Variants in LRRC69 observed in about 807,000 individuals in gnomAD.
LRRC69 encodes the protein leucine-rich repeat-containing protein 69.
Under a neutral mutation model 37.8 loss-of-function variants are expected in LRRC69, and 42 were observed. The observed-to-expected ratio is 1.11, with a 90% CI of 0.87 to 1.44. The LOEUF (loss-of-function observed/expected upper bound fraction) is 1.44. LRRC69 is among the 40% of genes most tolerant of loss of function. The pLI, the probability that LRRC69 is intolerant of heterozygous loss-of-function variation, is 0.00. For synonymous variants in LRRC69, 141 were observed against 143.1 expected (o/e 0.99, Z 0.11); for missense variants, 357 against 401.9 (o/e 0.89, Z 0.96).
intron 1 of LRRC69, among the ~76,000 whole-genome samples, chr8:91,115,345 CAT>C (rs1174336171): frequency 7.2e-5 from 11 of 151,908 alleles, no homozygotes; most frequent in Admixed American, 2.6e-4. Context: ...AGGCAGGTAA[CAT>C]ATGAGAAAAA....
intron 1 of LRRC69, among the ~76,000 whole-genome samples, chr8:91,122,089 C>A (rs1371127654): frequency 6.6e-6 from 1 of 151,996 alleles, no homozygotes; most frequent in Non-Finnish European, 1.5e-5. Context: ...TAAGAACTTA[C>A]CACATAACAT....
chr8:91,182,040 G>A (rs1002859609), intron 5 of LRRC69, among the ~76,000 whole-genome samples: 1 of 152,096 alleles, frequency 6.6e-6, no homozygotes, highest in African/African-American at 2.4e-5. Flanking sequence ...ACATCAGGGG[G>A]CCTATTTTTG....
chr8:91,130,490 G>A (rs1323014783), intron 3 of LRRC69: 1 of 152,000 alleles, frequency 6.6e-6, no homozygotes, highest in East Asian at 1.9e-4. Flanking sequence ...TGCCAGGCTG[G>A]TCTCGAACTC....
chr8:91,109,300 A>T (rs1166956914), intron 1 of LRRC69, among the ~76,000 whole-genome samples: 4 of 152,104 alleles, frequency 2.6e-5, no homozygotes, highest in Non-Finnish European at 4.4e-5. Flanking sequence ...TTCACTAGTG[A>T]TGTGGAAAAA....
intron 1 of LRRC69, among the ~76,000 whole-genome samples, chr8:91,117,541 C>T (rs1047229620): frequency 6.8e-6 from 1 of 146,104 alleles, no homozygotes; most frequent in Admixed American, 6.9e-5. Context: ...TCTTAGAAGC[C>T]GAAACTAACA....
At chr8:91,150,008 T>C (rs920280038) in intron 5 of LRRC69, among the ~76,000 whole-genome samples, 2 of 152,010 alleles carry the variant, frequency 1.3e-5, no homozygotes, top group African/African-American at 4.8e-5. Flanking sequence ...GTTTTCTAGA[T>C]ATATAATCAT....
intron 4 of LRRC69, among the ~76,000 whole-genome samples, chr8:91,134,956 AAGAC>A (rs1405799945): frequency 2.6e-5 from 4 of 152,202 alleles, no homozygotes; most frequent in South Asian, 2.1e-4. Flanking sequence ...AGATTTGAAA[AAGAC>A]AGCAACAAAT....
chr8:91,204,792 T>C (rs1809772224), intron 7 of LRRC69, among the ~76,000 whole-genome samples: 1 of 152,262 alleles, frequency 6.6e-6, no homozygotes, highest in African/African-American at 2.4e-5. Flanking sequence ...AGATACATTA[T>C]CTTTCTCAAA....
intron 7 of LRRC69, among the ~76,000 whole-genome samples, chr8:91,212,969 G>T (rs1026602812): frequency 6.6e-6 from 1 of 152,114 alleles, no homozygotes; most frequent in East Asian, 1.9e-4. Flanking sequence ...CCCTTTCGGA[G>T]AACTCTCCCT....
intron 5 of LRRC69, among the ~76,000 whole-genome samples, chr8:91,176,132 A>ATTTTTTT (rs1331458493): frequency 5.3e-4 from 8 of 15,192 alleles, no homozygotes; most frequent in African/African-American, 1.2e-3. Flanking sequence ...ATATATATAT[A>ATTTTTTT]TATTTTTTTT....
chr8:91,116,740 C>T (rs879629651), intron 1 of LRRC69, among the ~76,000 whole-genome samples: 3 of 152,016 alleles, frequency 2.0e-5, no homozygotes, highest in Middle Eastern at 3.4e-3. Context: ...AGGGTTATTG[C>T]GAGGTCCACA....
At chr8:91,136,288 T>C (rs942925451) in intron 5 of LRRC69, among the ~76,000 whole-genome samples, 1 of 151,954 alleles carries the variant, frequency 6.6e-6, no homozygotes, top group African/African-American at 2.4e-5. Context: ...GCTTAAACAT[T>C]CATGGTAATA....
chr8:91,129,023 A>G (rs1437542162), intron 3 of LRRC69, among the ~76,000 whole-genome samples: 1 of 151,926 alleles, frequency 6.6e-6, no homozygotes. Flanking sequence ...CTTATTTCTC[A>G]ATTTATTTAG....
chr8:91,140,970 A>G (rs1808521977), intron 5 of LRRC69, among the ~76,000 whole-genome samples: 1 of 151,902 alleles, frequency 6.6e-6, no homozygotes, highest in Non-Finnish European at 1.5e-5. Context: ...GTGATTTTTA[A>G]TCATTGGGTG....
At chr8:91,155,867 G>GTA (rs57160758) in intron 5 of LRRC69, among the ~76,000 whole-genome samples, 28,227 of 146,452 alleles carry the variant, frequency 0.19, 4,574 homozygotes, top group African/African-American at 0.45. Flanking sequence ...GTATGTGTGT[G>GTA]TATATATATA....
chr8:91,174,828 A>G (rs985668344), intron 5 of LRRC69, among the ~76,000 whole-genome samples: 6 of 152,176 alleles, frequency 3.9e-5, no homozygotes, highest in African/African-American at 1.4e-4. Context: ...GGTTGAAAGA[A>G]CATCACTAGG....
chr8:91,122,453 G>A (rs1452423977), intron 1 of LRRC69, among the ~76,000 whole-genome samples: 1 of 152,024 alleles, frequency 6.6e-6, no homozygotes, highest in African/African-American at 2.4e-5. Flanking sequence ...CAGTAACACA[G>A]CCTACTTCAC....
At chr8:91,195,811 G>C (rs1415161428) in intron 6 of LRRC69, among the ~76,000 whole-genome samples, 1 of 151,030 alleles carries the variant, frequency 6.6e-6, no homozygotes, top group East Asian at 1.9e-4. Context: ...TTGCCAGTCT[G>C]TGTCTTTTAA....
At chr8:91,165,755 C>T (rs1404200926) in intron 5 of LRRC69, among the ~76,000 whole-genome samples, 2 of 151,746 alleles carry the variant, frequency 1.3e-5, no homozygotes, top group African/African-American at 4.8e-5. Context: ...TGGGTGAAAA[C>T]ATCAGACAGA....
Sources: gnomAD v4.1 joint callset for allele counts (sites outside exome capture counted in the v4.1 genomes callset) on GRCh38, gnomAD v4.1.1 for gene constraint, MANE v1.5 for transcripts, NCBI Gene and HGNC (gene_info 2026-07-23, HGNC 2026-07-21) for gene names.